The following ASTN2 variants were observed in gnomAD, a reference collection of about 807,000 sequenced individuals.
ASTN2 encodes the protein astrotactin 2, also known as astrotactin-2.
In ASTN2, 54 loss-of-function variants were observed where a neutral mutation model predicts 139.8. That is an observed-to-expected ratio of 0.39 (90% confidence interval 0.31 to 0.48). The LOEUF is 0.48. Ranked by LOEUF, ASTN2 falls within the 20% of genes least tolerant of loss-of-function variation. The pLI is 0.95. For synonymous variants in ASTN2, 756 were observed against 719.5 expected (o/e 1.05, Z -0.81); for missense variants, 1,565 against 1,725.1 (o/e 0.91, Z 1.64).
intron 10 of ASTN2, among the ~76,000 whole-genome samples, chr9:116,912,838 G>A (rs1484283729): frequency 6.6e-6 from 1 of 152,108 alleles, no homozygotes; most frequent in African/African-American, 2.4e-5. Context: ...ACTTCATACT[G>A]TATTAGGTTT....
intron 1 of ASTN2, among the ~76,000 whole-genome samples, chr9:117,410,785 C>A (rs1424074850): frequency 6.6e-6 from 1 of 152,168 alleles, no homozygotes; most frequent in Non-Finnish European, 1.5e-5. Flanking sequence ...AATGTATCAT[C>A]TCCATCACTC....
intron 2 of ASTN2, among the ~76,000 whole-genome samples, chr9:117,288,092 C>T (rs1039271369): frequency 6.6e-6 from 1 of 152,168 alleles, no homozygotes; most frequent in Admixed American, 6.5e-5. Flanking sequence ...CATCCTGCCA[C>T]CTGCACAGCT....
chr9:117,013,946 CA>C (rs1363928766), intron 6 of ASTN2, among the ~76,000 whole-genome samples: 1 of 152,088 alleles, frequency 6.6e-6, no homozygotes, highest in African/African-American at 2.4e-5. Context: ...AAATGGTGAG[CA>C]GAATAATGAA....
At chr9:116,741,485 C>T (rs1829095393) in intron 13 of ASTN2, among the ~76,000 whole-genome samples, 1 of 152,132 alleles carries the variant, frequency 6.6e-6, no homozygotes, top group African/African-American at 2.4e-5. Context: ...TGTGCCTCAT[C>T]CCCCCTCTCT....
intron 20 of ASTN2, among the ~76,000 whole-genome samples, chr9:116,443,395 T>A (rs1482591916): frequency 1.3e-5 from 2 of 152,170 alleles, no homozygotes; most frequent in African/African-American, 4.8e-5. Context: ...CCAGGGAGAC[T>A]GGGGGTTAAT....
chr9:117,331,194 C>G (rs534967734), intron 1 of ASTN2, among the ~76,000 whole-genome samples: 1 of 152,278 alleles, frequency 6.6e-6, no homozygotes, highest in South Asian at 2.1e-4. Context: ...GGCAGAGTCT[C>G]ACACTGATGG....
chr9:117,286,397 G>A (rs1834452092), intron 2 of ASTN2, among the ~76,000 whole-genome samples: 1 of 144,006 alleles, frequency 6.9e-6, no homozygotes, highest in African/African-American at 2.5e-5. Flanking sequence ...TGTTGCCCAG[G>A]CTGGAGTCCA....
At chr9:116,907,051 ACT>A (rs1834180313) in intron 10 of ASTN2, among the ~76,000 whole-genome samples, 3 of 152,094 alleles carry the variant, frequency 2.0e-5, no homozygotes, top group Admixed American at 2.0e-4. Flanking sequence ...TTCTCATCTG[ACT>A]CTCAGAACAA....
intron 3 of ASTN2, chr9:117,181,039 T>A (rs943259939): frequency 6.5e-7 from 1 of 1,534,970 alleles, no homozygotes; most frequent in African/African-American, 1.4e-5. Flanking sequence ...TAGCGCAAGG[T>A]CAGAAACATA....
intron 19 of ASTN2, among the ~76,000 whole-genome samples, chr9:116,572,464 G>C (rs528179504): frequency 1.3e-5 from 2 of 152,166 alleles, no homozygotes; most frequent in African/African-American, 2.4e-5. Flanking sequence ...GAATGGGTAG[G>C]GTCGCCTATA....
intron 10 of ASTN2, among the ~76,000 whole-genome samples, chr9:116,905,626 A>C (rs1288467793): frequency 2.0e-5 from 3 of 152,176 alleles, no homozygotes; most frequent in African/African-American, 4.8e-5. Context: ...TGCCTAGTAC[A>C]ATAAGACTAA....
At chr9:116,778,243 GAT>G (rs1472207923) in intron 13 of ASTN2, among the ~76,000 whole-genome samples, 2 of 152,028 alleles carry the variant, frequency 1.3e-5, no homozygotes, top group Non-Finnish European at 2.9e-5. Context: ...AATCTAGAAA[GAT>G]AGCACTACAG....
chr9:117,230,780 C>T (rs922909589), intron 2 of ASTN2, among the ~76,000 whole-genome samples: 1 of 152,114 alleles, frequency 6.6e-6, no homozygotes, highest in Non-Finnish European at 1.5e-5. Flanking sequence ...GCGGACAGTG[C>T]ATGCATCATG....
intron 19 of ASTN2, among the ~76,000 whole-genome samples, chr9:116,600,342 AAAAAAGAAAG>A (rs1854821273): frequency 6.6e-6 from 1 of 151,176 alleles, no homozygotes; most frequent in Non-Finnish European, 1.5e-5. Flanking sequence ...AAAAAAAAAA[AAAAAAGAAAG>A]AAAGAAAGAA....
At chr9:116,429,575 G>T (rs981303299) in intron 22 of ASTN2, among the ~76,000 whole-genome samples, 6 of 152,132 alleles carry the variant, frequency 3.9e-5, no homozygotes, top group African/African-American at 1.4e-4. Context: ...CACAAAGCAA[G>T]CACCTGATGC....
chr9:116,642,749 G>T (rs967436272), intron 17 of ASTN2, among the ~76,000 whole-genome samples: 1 of 152,066 alleles, frequency 6.6e-6, no homozygotes, highest in South Asian at 2.1e-4. Flanking sequence ...CCTGGTCCCC[G>T]CAATTCATCT....
chr9:116,738,191 C>CA (rs35053036), intron 13 of ASTN2, among the ~76,000 whole-genome samples: 29,807 of 115,890 alleles, frequency 0.26, 3,232 homozygotes, highest in Middle Eastern at 0.37. Flanking sequence ...GACTCCGTCT[C>CA]AAAAAAAAAA....
rs1181803585 is a variant in ASTN2 at position 116,687,205 on chromosome 9, C to T, written c.2807-35412G>A. On this transcript the variant is annotated intron_variant, in intron 16 of 22. Coordinates refer to ENST00000313400, the MANE Select transcript of ASTN2 (RefSeq NM_001365068.1). ...TCACCCCTGCAGGGCCGCCTTGCCC[C>T]GCGCGCTTGGGGCCAGCTGCACGAC... 3 of 1,010,970 alleles carry T rather than the reference C, an allele frequency of 3.0e-6. No homozygotes were observed. In the East Asian group the frequency reaches 2.7e-4, roughly 92 times the overall value. 62.6% of individuals were successfully genotyped at this position (1,010,970 alleles called of 1,614,324 possible).
At chr9:116,933,097 G>A (rs1313350286) in intron 10 of ASTN2, among the ~76,000 whole-genome samples, 2 of 151,044 alleles carry the variant, frequency 1.3e-5, no homozygotes. Flanking sequence ...TCCATCTCAT[G>A]TAGAAGCAGG....
Sources: allele counts gnomAD v4.1 joint callset (sites outside exome capture counted in the v4.1 genomes callset), GRCh38; gene constraint gnomAD v4.1.1; transcripts MANE v1.5; gene names NCBI Gene and HGNC (gene_info 2026-07-23, HGNC 2026-07-21).